Variants in HLCS observed in about 807,000 individuals in gnomAD.
HLCS encodes biotin--protein ligase.
HLCS carries 53 observed loss-of-function variants against 75.0 expected under a neutral mutation model. That is an observed-to-expected ratio of 0.71 (90% CI 0.57 to 0.89). The LOEUF (loss-of-function observed/expected upper bound fraction) is 0.89, where lower values mean the gene tolerates loss of function less well. Ranked by LOEUF, HLCS falls within the 40% of genes least tolerant of loss-of-function variation. The pLI is 0.00. For missense variants in HLCS, 966 were observed against 1,074.0 expected, an observed-to-expected ratio of 0.90 and a Z score of 1.41; for synonymous variants, 431 against 428.6, an observed-to-expected ratio of 1.01 and a Z score of -0.07.
intron 8 of HLCS, among the ~76,000 whole-genome samples, 153 bp from the exon 9 acceptor site, chr21:36,759,994 C>T (rs369204579): frequency 3.3e-5 from 5 of 152,106 alleles, no homozygotes; most frequent in Non-Finnish European, 2.9e-5. Context: ...TGGGACAATC[C>T]GATATTGAAG....
intron 1 of HLCS, chr21:36,971,916 T>A (rs1434671241): frequency 6.6e-6 from 1 of 152,172 alleles, no homozygotes. Context: ...GGATAAAATG[T>A]GTTACTGCTG....
intron 6 of HLCS, among the ~76,000 whole-genome samples, chr21:36,838,298 TCACACACACACACA>T (rs148428941): frequency 7.9e-6 from 1 of 127,302 alleles, no homozygotes; most frequent in Admixed American, 7.6e-5. Context: ...GGGTGAATGA[TCACACACACACACA>T]CACACACACA....
intron 6 of HLCS, among the ~76,000 whole-genome samples, chr21:36,778,622 GA>G (rs2060438095): frequency 1.3e-5 from 2 of 152,248 alleles, no homozygotes; most frequent in South Asian, 4.1e-4. Flanking sequence ...AGATTTTTCT[GA>G]ACCATCATTT....
chr21:36,808,382 A>G (rs2061419655), intron 6 of HLCS, among the ~76,000 whole-genome samples: 1 of 152,078 alleles, frequency 6.6e-6, no homozygotes, highest in East Asian at 1.9e-4. Flanking sequence ...TCTGTTCCCC[A>G]TTTCCTGTCT....
In HLCS at chr21:36,962,039, T is replaced by A. The variant is rs2068323505; in HGVS notation, c.327A>T (p.Glu109Asp). The A allele has an allele frequency of 7.8e-7, 1 of 1,289,422 alleles. No individual in the cohort carries two copies. The highest frequency in any genetic ancestry group is 1.5e-5 in the African/African-American group (1 of 65,816). 79.9% of individuals were successfully genotyped at this position (1,289,422 alleles called of 1,614,324 possible). ...CACAAGTAAACATGGTACTCACTGT[T>A]TCTGAAGAGGATGATCTCTGTAAAT... ...SENLQRSSSS[E>D]TIVKWSDCCL... The change falls in exon 2 of 11, where the codon GAA becomes GAT. Residue 109 changes from glutamate to aspartate, a missense_variant. By Grantham distance (45) the Glu-to-Asp change is conservative. Transcript: ENST00000674895.
intron 5 of HLCS, among the ~76,000 whole-genome samples, chr21:36,901,246 A>T (rs957133118): frequency 6.6e-6 from 1 of 151,928 alleles, no homozygotes; most frequent in Non-Finnish European, 1.5e-5. Context: ...CGGTCTCAAA[A>T]TTTTTTTTAA....
At chr21:36,957,672 A>G (rs1601876526) in intron 2 of HLCS, among the ~76,000 whole-genome samples, 1 of 152,342 alleles carries the variant, frequency 6.6e-6, no homozygotes, top group Non-Finnish European at 1.5e-5. Context: ...GCAGTGGCTC[A>G]TGCCTGTAAT....
At chr21:36,774,199 C>A (rs1466596157) in intron 6 of HLCS, among the ~76,000 whole-genome samples, 2 of 152,122 alleles carry the variant, frequency 1.3e-5, no homozygotes, top group Admixed American at 1.3e-4. Flanking sequence ...GGGTCCACGG[C>A]ACAAAGCTGA....
chr21:36,827,773 G>A (rs559493626), intron 6 of HLCS, among the ~76,000 whole-genome samples: 40 of 150,040 alleles, frequency 2.7e-4, no homozygotes, highest in African/African-American at 9.1e-4. Flanking sequence ...TATCCTTTTC[G>A]TACCCCCAAA....
intron 2 of HLCS, among the ~76,000 whole-genome samples, chr21:36,955,270 C>T (rs926542497): frequency 7.9e-5 from 12 of 152,060 alleles, no homozygotes; most frequent in African/African-American, 2.9e-4. Context: ...TGTGTTTCTA[C>T]GTTAGTTTTT....
At chr21:36,831,275 C>T (rs2062200495) in intron 6 of HLCS, among the ~76,000 whole-genome samples, 1 of 152,102 alleles carries the variant, frequency 6.6e-6, no homozygotes, top group African/African-American at 2.4e-5. Flanking sequence ...ACAAGTTATG[C>T]AAAACGTTTC....
At chr21:36,892,703 C>CT (rs1406539818) in intron 6 of HLCS, among the ~76,000 whole-genome samples, 1 of 152,152 alleles carries the variant, frequency 6.6e-6, no homozygotes, top group Non-Finnish European at 1.5e-5. Flanking sequence ...CCCCGTCTTC[C>CT]TTAGGAATAC....
chr21:36,977,297 C>T (rs1444311404), intron 1 of HLCS, among the ~76,000 whole-genome samples: 1 of 152,090 alleles, frequency 6.6e-6, no homozygotes, highest in Non-Finnish European at 1.5e-5. Context: ...ATCAGACAGG[C>T]CCTCCAGAGG....
At chr21:36,794,397 G>A (rs1056362525) in intron 6 of HLCS, among the ~76,000 whole-genome samples, 1 of 152,250 alleles carries the variant, frequency 6.6e-6, no homozygotes, top group African/African-American at 2.4e-5. Context: ...TCAGAAAGAA[G>A]ATAGTGAGAG....
At chr21:36,760,320 G>A (rs2089781810) in intron 8 of HLCS, among the ~76,000 whole-genome samples, 1 of 152,096 alleles carries the variant, frequency 6.6e-6, no homozygotes, top group Non-Finnish European at 1.5e-5. Context: ...GTCTTGAGTA[G>A]CAGGCAGTGG....
At position 36,937,080 on chromosome 21, in the gene HLCS, A is replaced by C; in HGVS notation, c.806T>G (p.Phe269Cys). 1 of 1,614,100 alleles carries C rather than the reference A, an allele frequency of 6.2e-7. No homozygotes were observed. The highest frequency in any genetic ancestry group is 8.5e-7 in the Non-Finnish European group (1 of 1,180,002). ...GTCTGGAATGTTCTCGGCAGACGCA[A>C]ACTTGACTGACTCAATGGTGCTGTT... ...LENSTIESVKFASAENIPDLP... is the reference protein window; with the variant it reads ...LENSTIESVKCASAENIPDLP... The change falls in exon 4 of 11, where the codon TTT becomes TGT. Residue 269 changes from phenylalanine (F) to cysteine (C), a missense_variant. Physicochemically the swap from Phe to Cys is radical, Grantham distance 205 (BLOSUM62 -2). Transcript: ENST00000674895.
chr21:36,786,410 G>T (rs2060687702), intron 6 of HLCS, among the ~76,000 whole-genome samples: 1 of 151,902 alleles, frequency 6.6e-6, no homozygotes, highest in Non-Finnish European at 1.5e-5. Flanking sequence ...TGAAACCCAG[G>T]TTCAGACACA....
At chr21:36,905,280 T>C (rs532148759) in intron 5 of HLCS, among the ~76,000 whole-genome samples, 3 of 152,040 alleles carry the variant, frequency 2.0e-5, no homozygotes, top group Admixed American at 6.6e-5. Context: ...CAAGGAAAAC[T>C]CTCCAAATAA....
At chr21:36,928,303 C>T (rs1194237121) in intron 5 of HLCS, among the ~76,000 whole-genome samples, 7 of 152,106 alleles carry the variant, frequency 4.6e-5, no homozygotes, top group Non-Finnish European at 1.0e-4. Flanking sequence ...GCCGGGAGCG[C>T]CATGCCTGTA....
Sources: gnomAD v4.1 joint callset for allele counts (sites outside exome capture counted in the v4.1 genomes callset) on GRCh38, gnomAD v4.1.1 for gene constraint, MANE v1.5 for transcripts, NCBI Gene and HGNC (gene_info 2026-07-23, HGNC 2026-07-21) for gene names.